SMYD1: variants seen among roughly 807,000 people sequenced by gnomAD.
SMYD1 encodes the protein histone-lysine N-methyltransferase SMYD1.
Under a neutral mutation model 54.0 loss-of-function variants are expected in SMYD1, and 49 were observed. The ratio of observed to expected loss-of-function variants is 0.91; its 90% CI spans 0.72 to 1.15. SMYD1 has a LOEUF of 1.15. SMYD1 is among the 50% of genes most tolerant of loss of function. The pLI is 0.00. For synonymous variants in SMYD1, 269 were observed against 234.2 expected (o/e 1.15, Z -1.36); for missense variants, 653 against 639.6 (o/e 1.02, Z -0.23).
At chr2:88,093,601 C>T in intron 5 of SMYD1, 46 bp downstream of exon 5, 10 of 1,612,038 alleles carry the variant, frequency 6.2e-6, no homozygotes, top group Middle Eastern at 1.7e-4. Context: ...ACCCATCTCC[C>T]TCACTTACCT....
At chr2:88,104,368 C>G (rs1674807543) in intron 7 of SMYD1, among the ~76,000 whole-genome samples, 1 of 152,226 alleles carries the variant, frequency 6.6e-6, no homozygotes, top group Non-Finnish European at 1.5e-5. Context: ...AAGACACTCT[C>G]CTTGCCTGGA....
chr2:88,089,495 G>C (rs982468239), intron 3 of SMYD1, among the ~76,000 whole-genome samples: 1 of 151,532 alleles, frequency 6.6e-6, no homozygotes, highest in Non-Finnish European at 1.5e-5. Context: ...GCCCAGAGGG[G>C]TTACATGACC....
At chr2:88,084,065 G>A (rs1171252740) in intron 1 of SMYD1, among the ~76,000 whole-genome samples, 2 of 152,112 alleles carry the variant, frequency 1.3e-5, no homozygotes, top group African/African-American at 2.4e-5. Flanking sequence ...AGCTGAGATC[G>A]TGCCATTGCA....
chr2:88,102,727 G>A (rs1674748077), intron 6 of SMYD1, among the ~76,000 whole-genome samples: 1 of 152,170 alleles, frequency 6.6e-6, no homozygotes, highest in Admixed American at 6.5e-5. Flanking sequence ...AATATTTTGG[G>A]TGATAGAATC....
intron 1 of SMYD1, among the ~76,000 whole-genome samples, chr2:88,074,581 C>T (rs945366850): frequency 7.2e-5 from 11 of 152,078 alleles, no homozygotes; most frequent in East Asian, 5.8e-4. Flanking sequence ...TCTACCCCAA[C>T]GAAAAAGAAT....
intron 6 of SMYD1, among the ~76,000 whole-genome samples, chr2:88,101,886 G>A (rs991063934): frequency 2.6e-5 from 4 of 152,186 alleles, no homozygotes; most frequent in East Asian, 1.9e-4. Flanking sequence ...GATTACAGGC[G>A]TGAGCCATCG....
intron 1 of SMYD1, among the ~76,000 whole-genome samples, chr2:88,073,487 C>G (rs1405591625): frequency 1.3e-5 from 2 of 152,170 alleles, no homozygotes; most frequent in Admixed American, 1.3e-4. Flanking sequence ...ACTCTCCAGG[C>G]TGCTTTCTAC....
intron 6 of SMYD1, among the ~76,000 whole-genome samples, chr2:88,096,990 T>C (rs1674605333): frequency 6.6e-6 from 1 of 152,126 alleles, no homozygotes; most frequent in Admixed American, 6.6e-5. Context: ...GTGTTTGAGT[T>C]TGGGGAAGTC....
intron 1 of SMYD1, among the ~76,000 whole-genome samples, chr2:88,080,554 C>T (rs1674166354): frequency 6.6e-6 from 1 of 152,160 alleles, no homozygotes; most frequent in Non-Finnish European, 1.5e-5. Context: ...TTACAAGGGA[C>T]AGACAGCATG....
chr2:88,103,020 T>C (rs762554587), intron 6 of SMYD1, 38 bp from the exon 7 acceptor site: 2 of 1,569,466 alleles, frequency 1.3e-6, no homozygotes, highest in African/African-American at 2.7e-5. Context: ...GGTTGCCTCA[T>C]GAAGGCATCT....
In SMYD1 at chr2:88,094,954, A is replaced by T. The variant is rs548177225; in HGVS notation, c.698+1399A>T. Among the ~76,000 whole-genome samples the T allele has an allele frequency of 1.6e-4, 25 of 152,332 alleles. 1 individual carries two copies. The highest frequency in any genetic ancestry group is 1.4e-3 in the Admixed American group (22 of 15,308). ...TCCTAAAAATCAAGGGCTTTGATGC[A>T]TCTTAATTCCCATGCATTGAAGACC... On this transcript the variant is annotated intron_variant, in intron 5 of 9. Transcript: ENST00000419482.
chr2:88,075,647 C>T (rs1674045964), intron 1 of SMYD1, among the ~76,000 whole-genome samples: 1 of 151,220 alleles, frequency 6.6e-6, no homozygotes, highest in Non-Finnish European at 1.5e-5. Flanking sequence ...AAGCCATCCT[C>T]CCACCTCAGT....
chr2:88,078,389 A>G (rs944764274), intron 1 of SMYD1, among the ~76,000 whole-genome samples: 7 of 152,270 alleles, frequency 4.6e-5, no homozygotes, highest in African/African-American at 1.7e-4. Flanking sequence ...AGTCTAAAAG[A>G]TAGCAAGATC....
chr2:88,095,376 G>A (rs1376267310), intron 5 of SMYD1, among the ~76,000 whole-genome samples: 1 of 152,122 alleles, frequency 6.6e-6, no homozygotes, highest in Non-Finnish European at 1.5e-5. Flanking sequence ...ATCTCACTTT[G>A]GGAGAAGGAT....
chr2:88,069,783 T>G (rs1046928637), intron 1 of SMYD1, among the ~76,000 whole-genome samples: 1 of 152,232 alleles, frequency 6.6e-6, no homozygotes, highest in African/African-American at 2.4e-5. Context: ...AACATAGGTT[T>G]CATTTGGCTG....
chr2:88,089,295 C>T (rs1674410057), intron 3 of SMYD1, among the ~76,000 whole-genome samples: 1 of 152,210 alleles, frequency 6.6e-6, no homozygotes, highest in Non-Finnish European at 1.5e-5. Flanking sequence ...AAATGTGAAT[C>T]TCATCCAAAA....
intron 7 of SMYD1, among the ~76,000 whole-genome samples, chr2:88,104,874 C>T (rs1006520182): frequency 1.3e-5 from 2 of 152,200 alleles, no homozygotes; most frequent in Admixed American, 6.5e-5. Flanking sequence ...AGCCTGACTC[C>T]AGGACGATTG....
intron 1 of SMYD1, among the ~76,000 whole-genome samples, chr2:88,078,240 C>G (rs938751578): frequency 2.0e-5 from 3 of 152,208 alleles, no homozygotes; most frequent in African/African-American, 7.2e-5. Context: ...AGGCTCTGTG[C>G]TGACCATCTT....
chr2:88,078,709 A>AT (rs1460569171), intron 1 of SMYD1, among the ~76,000 whole-genome samples: 4 of 152,104 alleles, frequency 2.6e-5, no homozygotes, highest in Non-Finnish European at 5.9e-5. Context: ...CCCACCCCAC[A>AT]TACTAAATCA....
Sources: gnomAD v4.1 joint callset for allele counts (sites outside exome capture counted in the v4.1 genomes callset) on GRCh38, gnomAD v4.1.1 for gene constraint, MANE v1.5 for transcripts, NCBI Gene and HGNC (gene_info 2026-07-23, HGNC 2026-07-21) for gene names.